Variants in MAP4K1 observed in about 807,000 individuals in gnomAD.
The protein encoded by MAP4K1 is mitogen-activated protein kinase kinase kinase kinase 1, also known as MAPK/ERK kinase kinase kinase 1.
A neutral mutation model predicts 122.8 loss-of-function variants in MAP4K1; 35 were observed. The ratio of observed to expected loss-of-function variants is 0.29; its 90% CI spans 0.22 to 0.38. MAP4K1 has a LOEUF of 0.38. MAP4K1 is among the 10% of genes least tolerant of loss of function. MAP4K1 has a pLI of 1.00. For synonymous variants in MAP4K1, 412 were observed against 421.3 expected, an observed-to-expected ratio of 0.98 and a Z score of 0.27; for missense variants, 791 against 1,072.6, an observed-to-expected ratio of 0.74 and a Z score of 3.67.
At chr19:38,614,667 T>A (rs1458677436) in intron 4 of MAP4K1, 1 of 578,582 alleles carries the variant, frequency 1.7e-6, no homozygotes, top group Non-Finnish European at 3.1e-6. Flanking sequence ...ATGCCTATAA[T>A]CCCAGCACTT....
intron 13 of MAP4K1, among the ~76,000 whole-genome samples, chr19:38,608,799 CAAAAAAAAAAAAAAAAA>C (rs1031744033): frequency 4.2e-4 from 4 of 9,558 alleles, no homozygotes; most frequent in Non-Finnish European, 6.6e-4. Context: ...AACTCCGTCT[CAAAAAAAAAAAAAAAAA>C]AAAAAAAAAA....
In MAP4K1 at chr19:38,597,603, T is replaced by C; in HGVS notation, c.1670-9A>G. On this transcript the variant is annotated splice_polypyrimidine_tract_variant and intron_variant, in intron 22 of 30. Transcript: ENST00000396857. The surrounding 1 kb of genome is among the most constrained non-coding windows in gnomAD (Gnocchi z 4.6). Reference sequence around the variant, plus strand: ...CAGGTGGGGGGTCTTTCCTGCAGGGTGTGTGTATGTAGGGGGAAGCAGGAA... The same window carrying C: ...CAGGTGGGGGGTCTTTCCTGCAGGGCGTGTGTATGTAGGGGGAAGCAGGAA... 1.9e-6 allele frequency: 3 copies of C among 1,590,276 alleles called. No individual in the cohort carries two copies. Among genetic ancestry groups the C allele is most frequent in the Non-Finnish European group, 2.6e-6 (3 of 1,163,402 alleles).
In MAP4K1 at chr19:38,617,394, G is replaced by C. The variant is rs35079766; in HGVS notation, c.208C>G (p.Arg70Gly). ...QKEILILKTC[R>G]HANIVAYHGS... Reference sequence around the variant, plus strand: ...TGGTAGGCCACGATGTTGGCGTGCCGGCAAGTTTTCAATATGAGGATTTCC... The same window carrying C: ...TGGTAGGCCACGATGTTGGCGTGCCCGCAAGTTTTCAATATGAGGATTTCC... Residue 70 changes from arginine to glycine, a missense_variant, in exon 3 of 31, where the codon CGG becomes GGG. This residue lies in a region of MAP4K1 where 163 missense variants were observed against 286.1 expected (regional missense o/e 0.57). Coordinates refer to ENST00000396857, the MANE Select transcript of MAP4K1 (RefSeq NM_001042600.3). This position sits in a 1 kb window ranked among gnomAD's most constrained non-coding sequence, Gnocchi z 4.1. 28 of 1,613,758 alleles carry C rather than the reference G, an allele frequency of 1.7e-5. 1 individual carries two copies. In the Middle Eastern group the frequency reaches 8.4e-4, roughly 48 times the overall value.
Position 38,598,608 on chromosome 19 carries a change from A to C in MAP4K1, c.1670-1014T>G, listed in dbSNP as rs141814877. Among the ~76,000 whole-genome samples, 607 of 152,318 alleles carry C rather than the reference A, an allele frequency of 4.0e-3. 3 individuals carry two copies. The highest frequency in any genetic ancestry group is 0.014 in the African/African-American group (572 of 41,578). On this transcript the variant is annotated intron_variant, in intron 22 of 30. Coordinates refer to ENST00000396857, the MANE Select transcript of MAP4K1 (RefSeq NM_001042600.3). ...TGGCCTCTCAAAGTGCTGGGATCAC[A>C]GGCATGAGCCACTGCACCCCGTCCA...
intron 9 of MAP4K1, among the ~76,000 whole-genome samples, 197 bp downstream of exon 9, chr19:38,612,414 T>C (rs1975524477): frequency 6.6e-6 from 1 of 151,894 alleles, no homozygotes; most frequent in African/African-American, 2.4e-5. Flanking sequence ...AGCAAGACTC[T>C]GTCTTAAAAA....
Position 38,605,619 on chromosome 19 carries a change from G to T in MAP4K1, c.1312C>A (p.Arg438Ser). Residue 438 changes from arginine (R) to serine (S), a missense_variant, in exon 18 of 31, where the codon CGT (arginine) becomes AGT (serine). Around this residue, in one of 4 missense-constraint regions of MAP4K1, gnomAD observed 303 missense variants for 344.8 expected, o/e 0.88. Coordinates refer to ENST00000396857, the MANE Select transcript of MAP4K1 (RefSeq NM_001042600.3). ...CTGGTGGATGGGGGAGGCCCAGGAC[G>T]GGGGCTGTTTGGTGGGGGCCCACTG... ...CASGPPPNSP[R>S]PGPPPSTSSP... 6.3e-7 allele frequency: 1 copy of T among 1,577,186 alleles called. No individual in the cohort carries two copies. Among genetic ancestry groups the T allele is most frequent in the East Asian group, 2.3e-5 (1 of 43,656 alleles).
At chr19:38,608,656 C>T (rs753152830) in intron 13 of MAP4K1, among the ~76,000 whole-genome samples, 81 of 151,660 alleles carry the variant, frequency 5.3e-4, no homozygotes, top group African/African-American at 6.1e-4. Flanking sequence ...AAAAATTAGC[C>T]GGGCATGGTA....
At chr19:38,614,202 C>T (rs1975580855) in intron 6 of MAP4K1, 43 bp downstream of exon 6, 1 of 1,611,976 alleles carries the variant, frequency 6.2e-7, no homozygotes, top group Non-Finnish European at 8.5e-7. Context: ...CTCCCATCTC[C>T]TGGGCCCCAC....
intron 4 of MAP4K1, among the ~76,000 whole-genome samples, chr19:38,615,342 T>C (rs1210494080): frequency 6.6e-6 from 1 of 150,388 alleles, no homozygotes; most frequent in African/African-American, 2.5e-5. Context: ...AGGAGGGCTC[T>C]GAGCAGGGGC....
In MAP4K1 at chr19:38,610,036, G is replaced by A. The variant is rs761098330; in HGVS notation, c.811-11C>T. ...GGATACCAGTTGATGCTGGCGGAGG[G>A]AAGAGGTGTCCGTATCCAGAGGGAT... is the stretch of plus-strand genomic sequence containing the variant. On this transcript the variant is annotated splice_polypyrimidine_tract_variant and intron_variant, in intron 11 of 30. Transcript: ENST00000396857. 100 of 1,589,132 alleles carry A rather than the reference G, an allele frequency of 6.3e-5. No individual in the cohort carries two copies. The highest frequency in any genetic ancestry group is 8.3e-5 in the Non-Finnish European group (96 of 1,157,410).
intron 29 of MAP4K1, among the ~76,000 whole-genome samples, chr19:38,593,986 A>G (rs1974799449): frequency 6.6e-6 from 1 of 152,232 alleles, no homozygotes. Context: ...CCATTTTCCA[A>G]ATGAGGACAG....
chr19:38,601,405 C>G, intron 20 of MAP4K1, 36 bp downstream of exon 20: 1 of 1,565,294 alleles, frequency 6.4e-7, no homozygotes, highest in Non-Finnish European at 8.7e-7. Context: ...CTCTCCCATT[C>G]CCTACAGGAT....
intron 16 of MAP4K1, among the ~76,000 whole-genome samples, chr19:38,607,136 G>T (rs751737572): frequency 6.6e-6 from 1 of 152,040 alleles, no homozygotes; most frequent in Non-Finnish European, 1.5e-5. Flanking sequence ...AGGGTGCAGG[G>T]TCATGGAGGA....
At chr19:38,592,101 G>A (rs916754765) in intron 30 of MAP4K1, among the ~76,000 whole-genome samples, 1 of 151,972 alleles carries the variant, frequency 6.6e-6, no homozygotes, top group South Asian at 2.1e-4. Flanking sequence ...GCAAGACCCC[G>A]TCTCTACAAA....
Position 38,617,942 on chromosome 19 carries a change from C to T in MAP4K1, c.-47G>A, listed in dbSNP as rs1441610333. The T allele has an allele frequency of 6.6e-7, 1 of 1,525,758 alleles. No individual in the cohort carries two copies. The allele number at this position is 1,525,758 out of a possible 1,614,324, so 94.5% of individuals were successfully genotyped here. On this transcript the variant is annotated 5_prime_UTR_variant, in exon 1 of 31. Transcript: ENST00000396857. This position sits in a 1 kb window ranked among gnomAD's most constrained non-coding sequence, Gnocchi z 4.1. Reference sequence around the variant, plus strand: ...CTGCGCCCAGGGGCCAGCAGGGCCTCAGGGCTCAACTTCTGGCACCTCCCT... The same window carrying T: ...CTGCGCCCAGGGGCCAGCAGGGCCTTAGGGCTCAACTTCTGGCACCTCCCT...
intron 20 of MAP4K1, 176 bp downstream of exon 20, chr19:38,601,265 T>C: frequency 1.7e-6 from 1 of 579,930 alleles, no homozygotes; most frequent in Non-Finnish European, 3.0e-6. Flanking sequence ...TATGCATCTT[T>C]GATCACCAAA....
chr19:38,600,039 G>C, intron 21 of MAP4K1, 38 bp downstream of exon 21: 1 of 1,614,044 alleles, frequency 6.2e-7, no homozygotes. Context: ...CCCCGACTCC[G>C]GCCCTTGCCC....
intron 8 of MAP4K1, 69 bp downstream of exon 8, chr19:38,613,783 AGGGGAACGGAGCCAGGAAAGAGGATCCC>A: frequency 6.6e-6 from 6 of 905,422 alleles, no homozygotes; most frequent in Non-Finnish European, 1.0e-5. Flanking sequence ...AGGACGAGGC[AGGGGAACGGAGCCAGGAAAGAGGATCCC>A]GGGGAACCAG....
chr19:38,614,596 C>A, intron 4 of MAP4K1, 151 bp from the exon 5 acceptor site: 1 of 783,924 alleles, frequency 1.3e-6, no homozygotes, highest in South Asian at 1.5e-5. Flanking sequence ...GTGGGGTGGT[C>A]AGTGACAGAA....
Sources: gnomAD v4.1 joint callset for allele counts (sites outside exome capture counted in the v4.1 genomes callset) on GRCh38, gnomAD v4.1.1 for gene constraint, gnomAD v4.1.1 regional missense constraint, Gnocchi (gnomAD v3.1) non-coding constraint, MANE v1.5 for transcripts, NCBI Gene and HGNC (gene_info 2026-07-23, HGNC 2026-07-21) for gene names.